Variants in COL28A1 observed in about 807,000 individuals in gnomAD.
COL28A1 encodes collagen alpha-1(XXVIII) chain.
In COL28A1, 161 loss-of-function variants were observed where a neutral mutation model predicts 150.2. The ratio of observed to expected loss-of-function variants is 1.07; its 90% CI spans 0.94 to 1.22. The LOEUF (loss-of-function observed/expected upper bound fraction) is 1.22, where lower values mean the gene tolerates loss of function less well. Ranked by LOEUF, COL28A1 falls within the 50% of genes most tolerant of loss-of-function variation. The probability of loss-of-function intolerance (pLI) is 0.00; values close to 1 mark genes in which losing one functional copy is unlikely to be tolerated. For synonymous variants in COL28A1, 552 were observed against 469.7 expected, an observed-to-expected ratio of 1.18 and a Z score of -2.26; for missense variants, 1,617 against 1,388.3, an observed-to-expected ratio of 1.16 and a Z score of -2.62.
intron 27 of COL28A1, among the ~76,000 whole-genome samples, chr7:7,412,362 C>T (rs763946166): frequency 6.6e-6 from 1 of 152,038 alleles, no homozygotes; most frequent in Non-Finnish European, 1.5e-5. Flanking sequence ...TGAGCAAAAC[C>T]CTCTACTATG....
intron 33 of COL28A1, among the ~76,000 whole-genome samples, chr7:7,369,951 G>A (rs1006670615): frequency 2.0e-5 from 3 of 152,002 alleles, no homozygotes; most frequent in Admixed American, 1.3e-4. Context: ...AATAGAAATG[G>A]GTCTAGACTT....
At chr7:7,341,379 A>G in the COL28A1 span, among the ~76,000 whole-genome samples, 1 of 151,754 alleles carries the variant, frequency 6.6e-6, no homozygotes, top group Non-Finnish European at 1.5e-5. Context: ...TTATCATCTC[A>G]TTATTTTCTT....
Position 7,531,881 on chromosome 7 carries a change from C to T in COL28A1, c.148G>A (p.Val50Ile), listed in dbSNP as rs535896458. 11 of 1,605,652 alleles carry T rather than the reference C, an allele frequency of 6.9e-6. No individual in the cohort carries two copies. The South Asian group carries it at 9.9e-5, about 14-fold the overall frequency. The change falls in exon 3 of 35, where the codon GTC becomes ATC. Residue 50 changes from valine (V) to isoleucine (I), a missense_variant. Physicochemically the swap from Val to Ile is conservative, Grantham distance 29 (BLOSUM62 3). Coordinates refer to ENST00000399429, the MANE Select transcript of COL28A1 (RefSeq NM_001037763.3). Reference protein sequence around the residue: ...VQGSICFIDIVFIVDSSESSK... With the variant: ...VQGSICFIDIIFIVDSSESSK... ...CTTTCAGAGCTGTCCACGATGAAGA[C>T]AATATCTATGAAACAAATGGAGCCT...
chr7:7,447,444 T>C (rs1460126964), intron 18 of COL28A1, among the ~76,000 whole-genome samples: 1 of 151,332 alleles, frequency 6.6e-6, no homozygotes. Flanking sequence ...TAATATTTAA[T>C]TTAAAAATAA....
Position 7,532,738 on chromosome 7 carries a change from T to TA in COL28A1, c.124+13_124+14insT. 7.5e-7 allele frequency: 1 copy of TA among 1,338,982 alleles called. No homozygotes were observed. Among genetic ancestry groups the TA allele is most frequent in the South Asian group, 1.4e-5 (1 of 73,136 alleles). The allele number at this position is 1,338,982 out of a possible 1,614,324, so 82.9% of individuals were successfully genotyped here. A position where few individuals can be genotyped will look rare whatever the true frequency, so the allele number is the denominator to read the frequency against. The stretch of plus-strand genomic sequence containing the variant: ...CAGGCTAAACTTAAAAACAAACAAT[T>TA]TTTTTTTTTTTACCCTGGACATCAC... On this transcript the variant is annotated intron_variant, in intron 2 of 34. Transcript: ENST00000399429.
At chr7:7,435,217 A>T (rs1461483739) in intron 23 of COL28A1, among the ~76,000 whole-genome samples, 2 of 152,228 alleles carry the variant, frequency 1.3e-5, no homozygotes, top group African/African-American at 4.8e-5. Flanking sequence ...ACAGAAGTAT[A>T]TGTAGAGAGA....
At chr7:7,480,173 T>G (rs957582664) in intron 13 of COL28A1, among the ~76,000 whole-genome samples, 1 of 152,246 alleles carries the variant, frequency 6.6e-6, no homozygotes, top group South Asian at 2.1e-4. Flanking sequence ...CATCAGTGAC[T>G]GATCATAGTT....
At position 7,524,385 on chromosome 7, in the gene COL28A1, G is replaced by C. The variant is rs1365473431; in HGVS notation, c.682-136C>G. 18 of 646,250 alleles carry C rather than the reference G, an allele frequency of 2.8e-5. No homozygotes were observed. In the Admixed American group the frequency reaches 4.1e-4, roughly 15 times the overall value. 40.0% of individuals were successfully genotyped at this position (646,250 alleles called of 1,614,324 possible). A position where few individuals can be genotyped will look rare whatever the true frequency, so the allele number is the denominator to read the frequency against. On this transcript the variant is annotated intron_variant, in intron 3 of 34. Coordinates refer to ENST00000399429, the MANE Select transcript of COL28A1 (RefSeq NM_001037763.3). ...ATTCAGCCTTTTTAAACTTGTAAAA[G>C]CAATAAAACCAACCAGCCAACCACC...
intron 32 of COL28A1, among the ~76,000 whole-genome samples, chr7:7,372,031 C>A (rs1781252898): frequency 6.6e-6 from 1 of 151,902 alleles, no homozygotes; most frequent in African/African-American, 2.4e-5. Context: ...CGAGGTTTCA[C>A]CATGCTGGCC....
At chr7:7,518,700 C>G (rs1781549874) in intron 6 of COL28A1, among the ~76,000 whole-genome samples, 1 of 152,106 alleles carries the variant, frequency 6.6e-6, no homozygotes, top group Admixed American at 6.6e-5. Context: ...TTTAATATTG[C>G]TGTGTTAATT....
At chr7:7,505,622 T>A (rs945833436) in intron 11 of COL28A1, among the ~76,000 whole-genome samples, 2 of 152,192 alleles carry the variant, frequency 1.3e-5, no homozygotes, top group Non-Finnish European at 2.9e-5. Context: ...AACTGTAAAT[T>A]TCCTTCCCCT....
At chr7:7,394,006 C>G (rs573198459) in intron 27 of COL28A1, among the ~76,000 whole-genome samples, 4 of 151,778 alleles carry the variant, frequency 2.6e-5, no homozygotes, top group Non-Finnish European at 4.4e-5. Flanking sequence ...GCAGCTAGCT[C>G]GGTGTCTGCC....
intron 15 of COL28A1, among the ~76,000 whole-genome samples, chr7:7,472,996 T>C (rs1202090426): frequency 6.6e-6 from 1 of 152,178 alleles, no homozygotes; most frequent in Non-Finnish European, 1.5e-5. Flanking sequence ...TAAAACCGGA[T>C]CCTCATCTCT....
chr7:7,485,563 T>C lies in COL28A1; in HGVS notation c.1164+3826A>G, dbSNP rs116513161. On this transcript the variant is annotated intron_variant, in intron 13 of 34. Transcript: ENST00000399429. Reference sequence around the variant, plus strand: ...GCCCACGATCCTAAAGATTTTCTCATATGTTTTATTCTAAAAGTTTTATAG... The same window carrying C: ...GCCCACGATCCTAAAGATTTTCTCACATGTTTTATTCTAAAAGTTTTATAG... Among the ~76,000 whole-genome samples, 444 of 152,312 alleles carry C rather than the reference T, an allele frequency of 2.9e-3. 1 individual carries two copies. The highest frequency in any genetic ancestry group is 0.01 in the African/African-American group (427 of 41,582).
intron 15 of COL28A1, among the ~76,000 whole-genome samples, chr7:7,473,465 G>T (rs574447284): frequency 6.6e-6 from 1 of 152,082 alleles, no homozygotes; most frequent in Non-Finnish European, 1.5e-5. Flanking sequence ...TCAGAGAAAT[G>T]CAAATCAAAA....
At chr7:7,463,164 A>T (rs1282815476) in intron 15 of COL28A1, among the ~76,000 whole-genome samples, 2 of 152,158 alleles carry the variant, frequency 1.3e-5, no homozygotes, top group Non-Finnish European at 2.9e-5. Flanking sequence ...AGATATCAAA[A>T]TACAAGAAGC....
chr7:7,517,722 G>C, intron 7 of COL28A1, 74 bp downstream of exon 7: 1 of 1,608,856 alleles, frequency 6.2e-7, no homozygotes, highest in Non-Finnish European at 8.5e-7. Context: ...GCACTAAGGG[G>C]GTCAAAATGG....
chr7:7,363,981 C>A (rs1780805619), intron 33 of COL28A1, among the ~76,000 whole-genome samples: 1 of 152,024 alleles, frequency 6.6e-6, no homozygotes, highest in African/African-American at 2.4e-5. Context: ...TTCCACTACT[C>A]CCAGAATATC....
At chr7:7,396,161 A>G (rs976833779) in intron 27 of COL28A1, among the ~76,000 whole-genome samples, 3 of 151,958 alleles carry the variant, frequency 2.0e-5, no homozygotes, top group African/African-American at 7.3e-5. Flanking sequence ...TTATCCAGAG[A>G]CCCCCTAGAG....
Sources: gnomAD v4.1 joint callset for allele counts (sites outside exome capture counted in the v4.1 genomes callset) on GRCh38, gnomAD v4.1.1 for gene constraint, MANE v1.5 for transcripts, NCBI Gene and HGNC (gene_info 2026-07-23, HGNC 2026-07-21) for gene names.